The following PRDM2 variants were observed in gnomAD, a reference collection of about 807,000 sequenced individuals.
PRDM2 encodes the protein PR/SET domain 2.
PRDM2 carries 30 observed loss-of-function variants against 130.0 expected under a neutral mutation model. That is an observed-to-expected ratio of 0.23 (90% CI 0.17 to 0.31). The LOEUF is 0.31. Among genes scored for constraint, PRDM2 ranks in the 10% least tolerant of loss-of-function variants. The pLI, the probability that PRDM2 is intolerant of heterozygous loss-of-function variation, is 1.00. For missense variants in PRDM2, 2,011 were observed against 2,108.4 expected, an observed-to-expected ratio of 0.95 and a Z score of 0.90; for synonymous variants, 871 against 782.4, an observed-to-expected ratio of 1.11 and a Z score of -1.89.
chr1:13,729,639 A>G (rs1291524038), intron 2 of PRDM2, among the ~76,000 whole-genome samples: 1 of 152,242 alleles, frequency 6.6e-6, no homozygotes, highest in Non-Finnish European at 1.5e-5. Flanking sequence ...CTAATTAAAA[A>G]TACCATAAGA....
chr1:13,806,089 C>A lies in PRDM2; in HGVS notation c.5037-10338C>A, dbSNP rs796743949. ...AAGGTTATCAGCAGCCCCCAGGATG[C>A]TCAATGCAGTGGTTGGTTTCCAGTC... On this transcript the variant is annotated intron_variant, in intron 8 of 9. Coordinates refer to ENST00000311066, the MANE Select transcript of PRDM2 (RefSeq NM_001393986.1). The surrounding 1 kb of genome is among the most constrained non-coding windows in gnomAD (Gnocchi z 4.1). 7.2e-5 allele frequency among the ~76,000 whole-genome samples: 11 copies of A among 152,310 alleles called. No homozygotes were observed. Among genetic ancestry groups the A allele is most frequent in the African/African-American group, 2.6e-4 (11 of 41,572 alleles).
intron 8 of PRDM2, among the ~76,000 whole-genome samples, chr1:13,815,011 A>C (rs1314252299): frequency 6.6e-6 from 1 of 152,222 alleles, no homozygotes; most frequent in African/African-American, 2.4e-5. Context: ...GGTTTTGTGA[A>C]GAGTTAGATT....
chr1:13,710,588 A>G (rs1642338710), intron 1 of PRDM2, among the ~76,000 whole-genome samples: 2 of 152,212 alleles, frequency 1.3e-5, no homozygotes, highest in South Asian at 4.1e-4. Flanking sequence ...CTCTTCTGGG[A>G]CTGATAAATA....
At position 13,778,614 on chromosome 1, in the gene PRDM2, AGAGGAGGAGGAT is replaced by A. The variant is rs1218526354; in HGVS notation, c.822_833del (p.Asp277_Glu280del). Reference sequence around the variant, plus strand: ...ATTTGGGGGAAGAGGAGGAGGAGGAAGAGGAGGAGGATGAAGAAGAAGAAGAAGATGATGATG... The same window carrying A: ...ATTTGGGGGAAGAGGAGGAGGAGGAAGAAGAAGAAGAAGAAGATGATGATG... On this transcript the variant is annotated inframe_deletion, in exon 8 of 10. Coordinates refer to ENST00000311066, the MANE Select transcript of PRDM2 (RefSeq NM_001393986.1). 1 of 1,613,642 alleles carries A rather than the reference AGAGGAGGAGGAT, an allele frequency of 6.2e-7. No homozygotes were observed. The highest frequency in any genetic ancestry group is 1.1e-5 in the South Asian group (1 of 91,008).
chr1:13,774,852 C>T (rs1471143791), intron 7 of PRDM2, among the ~76,000 whole-genome samples: 1 of 151,906 alleles, frequency 6.6e-6, no homozygotes, highest in Non-Finnish European at 1.5e-5. Flanking sequence ...TGGTGGGCGC[C>T]TGTAGTCCGG....
chr1:13,813,022 G>A (rs933751681), intron 8 of PRDM2, among the ~76,000 whole-genome samples: 2 of 152,122 alleles, frequency 1.3e-5, no homozygotes, highest in Non-Finnish European at 2.9e-5. Flanking sequence ...GGTCTCCAGC[G>A]GCCATACTGC....
At chr1:13,778,322 G>T (rs1410224622) in intron 7 of PRDM2, 96 bp from the exon 8 acceptor site, 3 of 1,238,388 alleles carry the variant, frequency 2.4e-6, no homozygotes, top group Non-Finnish European at 2.3e-6. Context: ...TATGTTTTAG[G>T]TGGTAAGAGA....
intron 8 of PRDM2, chr1:13,787,536 T>A (rs1570044118): frequency 1.0e-6 from 1 of 982,582 alleles, no homozygotes; most frequent in Non-Finnish European, 1.2e-6. Context: ...GTTTGGTGAA[T>A]TTGTGCCACT....
At chr1:13,804,449 ACTTGAGACGCCG>A (rs111465067) in intron 8 of PRDM2, among the ~76,000 whole-genome samples, 7,107 of 152,048 alleles carry the variant, frequency 0.047, 370 homozygotes, top group African/African-American at 0.13. Flanking sequence ...TGCTGCCCAC[ACTTGAGACGCCG>A]CTAAAGGTGT....
intron 6 of PRDM2, among the ~76,000 whole-genome samples, chr1:13,766,990 C>G (rs1347894893): frequency 6.6e-6 from 1 of 152,164 alleles, no homozygotes; most frequent in Non-Finnish European, 1.5e-5. Context: ...GAACATAGTC[C>G]AGACCTAGGT....
intron 8 of PRDM2, chr1:13,787,522 ATT>A: frequency 1.0e-6 from 1 of 983,596 alleles, no homozygotes; most frequent in Non-Finnish European, 1.2e-6. Context: ...GTAGTTTAAT[ATT>A]TGTTTGGTGA....
chr1:13,760,056 T>C (rs1304451949), intron 6 of PRDM2, among the ~76,000 whole-genome samples: 1 of 152,182 alleles, frequency 6.6e-6, no homozygotes, highest in Admixed American at 6.5e-5. Flanking sequence ...ATACCTATTT[T>C]TAGTTATTAT....
chr1:13,819,536 G>A (rs756417396), intron 9 of PRDM2, among the ~76,000 whole-genome samples: 63 of 152,096 alleles, frequency 4.1e-4, no homozygotes, highest in Non-Finnish European at 8.1e-4. Flanking sequence ...CACCAAGCAT[G>A]TGCTACTTAT....
chr1:13,739,051 C>T lies in PRDM2; in HGVS notation c.232-2954C>T, dbSNP rs1569813477. Reference sequence around the variant, plus strand: ...TGAGATTATCTTTTTTTTCTTTATTCCTTTTTTTTTTCTGAGACAGAGTCT... The same window carrying T: ...TGAGATTATCTTTTTTTTCTTTATTTCTTTTTTTTTTCTGAGACAGAGTCT... On this transcript the variant is annotated intron_variant, in intron 4 of 9. Transcript: ENST00000311066. 8 of 150,590 alleles carry T rather than the reference C, an allele frequency of 5.3e-5. No homozygotes were observed. In the South Asian group the frequency reaches 1.7e-3, roughly 32 times the overall value. 9.3% of individuals were successfully genotyped at this position (150,590 alleles called of 1,614,324 possible). A position where few individuals can be genotyped will look rare whatever the true frequency, so the allele number is the denominator to read the frequency against.
chr1:13,724,728 C>T (rs545274384), intron 2 of PRDM2, among the ~76,000 whole-genome samples: 7 of 152,104 alleles, frequency 4.6e-5, no homozygotes, highest in East Asian at 3.9e-4. Flanking sequence ...CTCCTGACCT[C>T]GTGATCCACC....
intron 2 of PRDM2, among the ~76,000 whole-genome samples, chr1:13,726,493 T>G (rs1281478372): frequency 6.6e-6 from 1 of 152,172 alleles, no homozygotes; most frequent in African/African-American, 2.4e-5. Context: ...TGGTGCTAGC[T>G]CTGAGCAGAC....
intron 8 of PRDM2, chr1:13,786,703 T>C (rs1644749000): frequency 1.4e-6 from 2 of 1,458,660 alleles, no homozygotes; most frequent in Admixed American, 5.0e-5. Flanking sequence ...AGGCATCTGC[T>C]GCTTCGGTGG....
At chr1:13,727,585 C>G (rs754651389) in intron 2 of PRDM2, among the ~76,000 whole-genome samples, 2 of 152,148 alleles carry the variant, frequency 1.3e-5, no homozygotes, top group Non-Finnish European at 2.9e-5. Context: ...CGCCACTGAT[C>G]GGAAGGCATG....
chr1:13,737,131 T>G (rs1446162201), intron 4 of PRDM2, among the ~76,000 whole-genome samples: 3 of 152,224 alleles, frequency 2.0e-5, no homozygotes, highest in Admixed American at 1.3e-4. Context: ...CTGCAGAACC[T>G]TTTCTCAGAA....
Sources: gnomAD v4.1 joint callset for allele counts (sites outside exome capture counted in the v4.1 genomes callset) on GRCh38, gnomAD v4.1.1 for gene constraint, Gnocchi (gnomAD v3.1) non-coding constraint, MANE v1.5 for transcripts, NCBI Gene and HGNC (gene_info 2026-07-23, HGNC 2026-07-21) for gene names.